Variants in ZNF385D observed in about 807,000 individuals in gnomAD.
ZNF385D encodes zinc finger protein 659.
ZNF385D carries 15 observed loss-of-function variants against 35.8 expected under a neutral mutation model. That is an observed-to-expected ratio of 0.42 (90% CI 0.28 to 0.64). The LOEUF (loss-of-function observed/expected upper bound fraction) is 0.64. Among genes scored for constraint, ZNF385D ranks in the 30% least tolerant of loss-of-function variants. The pLI, the probability that ZNF385D is intolerant of heterozygous loss-of-function variation, is 0.23. For synonymous variants in ZNF385D, 212 were observed against 186.8 expected, an observed-to-expected ratio of 1.13 and a Z score of -1.10; for missense variants, 474 against 494.6, an observed-to-expected ratio of 0.96 and a Z score of 0.39.
chr3:22,094,899 C>G (rs1269359953), intron 3 of ZNF385D, among the ~76,000 whole-genome samples: 2 of 151,848 alleles, frequency 1.3e-5, no homozygotes, highest in Admixed American at 1.3e-4. Flanking sequence ...TTTCTATGTT[C>G]CTGGAAATTC....
intron 2 of ZNF385D, among the ~76,000 whole-genome samples, chr3:22,286,509 ATTC>A (rs1222122117): frequency 6.6e-6 from 1 of 152,030 alleles, no homozygotes; most frequent in Non-Finnish European, 1.5e-5. Context: ...ATTTGAGATC[ATTC>A]TTCTCTTTTG....
intron 3 of ZNF385D, among the ~76,000 whole-genome samples, chr3:21,558,288 A>C (rs1266719916): frequency 6.6e-6 from 1 of 152,032 alleles, no homozygotes; most frequent in African/African-American, 2.4e-5. Flanking sequence ...TCTTGTGGGC[A>C]TCTAGTGCTA....
intron 3 of ZNF385D, among the ~76,000 whole-genome samples, chr3:21,842,070 A>AT (rs1436043817): frequency 1.3e-5 from 2 of 151,912 alleles, no homozygotes; most frequent in Non-Finnish European, 2.9e-5. Context: ...TAAAATTTAG[A>AT]TTTTTTGTTA....
chr3:22,200,997 G>C (rs190296643), intron 2 of ZNF385D, among the ~76,000 whole-genome samples: 171 of 152,222 alleles, frequency 1.1e-3, no homozygotes, highest in African/African-American at 3.8e-3. Flanking sequence ...AATTTGTACA[G>C]TTAATGCAAT....
rs79750326 is a variant in ZNF385D at position 21,524,099 on chromosome 3, G to C, written c.277-13076C>G. 4.5e-3 allele frequency among the ~76,000 whole-genome samples: 690 copies of C among 152,274 alleles called. 3 individuals are homozygous for C. The highest frequency in any genetic ancestry group is 0.016 in the African/African-American group (646 of 41,554). Reference sequence around the variant, plus strand: ...GATTGGAGATTTCATTTCCTAGAATGGTTGATATTCAAAGAAGTCCCAAGG... The same window carrying C: ...GATTGGAGATTTCATTTCCTAGAATCGTTGATATTCAAAGAAGTCCCAAGG... On this transcript the variant is annotated intron_variant, in intron 3 of 7. Transcript: ENST00000281523.
intron 4 of ZNF385D, among the ~76,000 whole-genome samples, chr3:21,442,441 C>T (rs959743744): frequency 2.6e-5 from 4 of 152,200 alleles, no homozygotes; most frequent in African/African-American, 9.6e-5. Flanking sequence ...ACAGCTGCTT[C>T]CTCATAAATG....
upstream of ZNF385D, among the ~76,000 whole-genome samples, chr3:21,754,765 T>C (rs979213766): frequency 3.9e-5 from 6 of 152,174 alleles, no homozygotes; most frequent in Non-Finnish European, 5.9e-5. Flanking sequence ...TGGAATATAA[T>C]CTCAGTGAGG....
chr3:22,268,254 G>A (rs577922408), intron 2 of ZNF385D, among the ~76,000 whole-genome samples: 5 of 151,962 alleles, frequency 3.3e-5, no homozygotes, highest in African/African-American at 9.6e-5. Flanking sequence ...AATCAGCCAT[G>A]TTCTTTGAAA....
At chr3:21,639,813 A>G (rs2065549874) in intron 2 of ZNF385D, among the ~76,000 whole-genome samples, 1 of 152,014 alleles carries the variant, frequency 6.6e-6, no homozygotes, top group Non-Finnish European at 1.5e-5. Flanking sequence ...TAATAGTTAT[A>G]GATTTTTTAT....
intron 3 of ZNF385D, among the ~76,000 whole-genome samples, chr3:21,827,281 T>C (rs1433798519): frequency 1.3e-5 from 2 of 152,222 alleles, no homozygotes; most frequent in Non-Finnish European, 2.9e-5. Flanking sequence ...GGATATTGTT[T>C]ATTTTATATT....
chr3:22,117,517 G>T (rs1021926349), intron 3 of ZNF385D, among the ~76,000 whole-genome samples: 7 of 151,784 alleles, frequency 4.6e-5, no homozygotes, highest in Non-Finnish European at 1.0e-4. Flanking sequence ...GGCATGAAAT[G>T]ATTAAATAAC....
At chr3:21,638,466 C>A (rs1357068871) in intron 2 of ZNF385D, among the ~76,000 whole-genome samples, 3 of 152,084 alleles carry the variant, frequency 2.0e-5, no homozygotes, top group Non-Finnish European at 4.4e-5. Flanking sequence ...GATACAAACC[C>A]AGTACATGTG....
intron 2 of ZNF385D, among the ~76,000 whole-genome samples, chr3:21,641,551 C>G (rs1478657693): frequency 2.0e-5 from 3 of 150,950 alleles, no homozygotes; most frequent in Non-Finnish European, 4.4e-5. Context: ...TCTCTCCGTT[C>G]TCTCTATTAA....
intron 3 of ZNF385D, chr3:21,511,600 A>G (rs1707210197): frequency 4.7e-6 from 2 of 429,020 alleles, no homozygotes; most frequent in East Asian, 1.4e-4. Context: ...GCAATTTCAG[A>G]TTCTTTCTCC....
At chr3:22,257,156 G>T (rs1356478501) in intron 2 of ZNF385D, among the ~76,000 whole-genome samples, 1 of 151,702 alleles carries the variant, frequency 6.6e-6, no homozygotes, top group African/African-American at 2.4e-5. Context: ...CAATATACAG[G>T]CTTCTCAGTC....
At chr3:21,744,960 G>A (rs1362978410) in intron 1 of ZNF385D, among the ~76,000 whole-genome samples, 1 of 152,162 alleles carries the variant, frequency 6.6e-6, no homozygotes, top group East Asian at 1.9e-4. Flanking sequence ...CAGCCTTAGG[G>A]AATGCGTGGA....
intron 1 of ZNF385D, among the ~76,000 whole-genome samples, chr3:21,722,620 C>T (rs898484041): frequency 1.3e-5 from 2 of 152,220 alleles, no homozygotes; most frequent in Non-Finnish European, 2.9e-5. Context: ...AAAGCAGCAT[C>T]GTCAGACCCA....
In ZNF385D at chr3:21,571,459, A is replaced by G. The variant is rs543508733; in HGVS notation, c.166-6775T>C. 2.0e-5 allele frequency among the ~76,000 whole-genome samples: 3 copies of G among 152,344 alleles called. No individual in the cohort carries two copies. In the East Asian group the frequency reaches 5.8e-4, roughly 29 times the overall value. On this transcript the variant is annotated intron_variant, in intron 2 of 7. Transcript: ENST00000281523. Reference sequence around the variant, plus strand: ...TATAGTAGTCATTTATCTGAGATACATAACTAGGAATTAAATTTCTAGGTT... The same window carrying G: ...TATAGTAGTCATTTATCTGAGATACGTAACTAGGAATTAAATTTCTAGGTT...
At chr3:21,869,480 T>C (rs571339968) in intron 3 of ZNF385D, among the ~76,000 whole-genome samples, 1 of 152,264 alleles carries the variant, frequency 6.6e-6, no homozygotes, top group East Asian at 1.9e-4. Context: ...ACCTTGATAC[T>C]GTCAGGCTTC....
Sources: gnomAD v4.1 joint callset for allele counts (sites outside exome capture counted in the v4.1 genomes callset) on GRCh38, gnomAD v4.1.1 for gene constraint, MANE v1.5 for transcripts, NCBI Gene and HGNC (gene_info 2026-07-23, HGNC 2026-07-21) for gene names.